CSMD1: variants seen among roughly 807,000 people sequenced by gnomAD.
CSMD1 encodes the protein CUB and sushi domain-containing protein 1.
A neutral mutation model predicts 417.5 loss-of-function variants in CSMD1; 213 were observed. That is an observed-to-expected ratio of 0.51 (90% CI 0.46 to 0.57). CSMD1 has a LOEUF of 0.57. Among genes scored for constraint, CSMD1 ranks in the 20% least tolerant of loss-of-function variants. CSMD1 has a pLI of 0.00. For missense variants in CSMD1, 6,923 were observed against 4,529.7 expected, an observed-to-expected ratio of 1.53 and a Z score of -15.17; for synonymous variants, 2,862 against 1,736.8, an observed-to-expected ratio of 1.65 and a Z score of -16.11.
intron 3 of CSMD1, among the ~76,000 whole-genome samples, chr8:4,347,279 C>A (rs948319683): frequency 9.9e-5 from 15 of 152,182 alleles, no homozygotes; most frequent in African/African-American, 3.6e-4. Context: ...CTCACCTTGG[C>A]CCTCTCTAAA....
rs1228079791 is a variant in CSMD1 at position 3,714,915 on chromosome 8, G to C, written c.932-6424C>G. ...ACAACACACCTGGAGAAATCTCAAT[G>C]GTTTACATTGTTTCGCTTTTACTCT... On this transcript the variant is annotated intron_variant, in intron 6 of 69. Coordinates refer to ENST00000635120, the MANE Select transcript of CSMD1 (RefSeq NM_033225.6). 3.9e-5 allele frequency among the ~76,000 whole-genome samples: 6 copies of C among 152,046 alleles called. 1 individual carries two copies. The highest frequency in any genetic ancestry group is 9.7e-5 in the African/African-American group (4 of 41,392).
At chr8:3,029,581 G>A (rs1810202470) in intron 50 of CSMD1, 68 bp from the exon 51 acceptor site, 2 of 1,359,368 alleles carry the variant, frequency 1.5e-6, no homozygotes, top group African/African-American at 1.5e-5. Context: ...TGCTTGCTTT[G>A]GATGGCAAGG....
At chr8:3,759,957 A>G (rs954308296) in intron 5 of CSMD1, among the ~76,000 whole-genome samples, 9 of 151,596 alleles carry the variant, frequency 5.9e-5, no homozygotes, top group African/African-American at 2.2e-4. Flanking sequence ...GTAGTGATCA[A>G]CCAATGTCTT....
intron 2 of CSMD1, among the ~76,000 whole-genome samples, chr8:4,456,602 G>A (rs575472060): frequency 2.2e-4 from 33 of 152,246 alleles, no homozygotes; most frequent in African/African-American, 7.5e-4. Context: ...TGTAGGGATA[G>A]AAGAGTAGAG....
intron 7 of CSMD1, among the ~76,000 whole-genome samples, chr8:3,644,178 A>C (rs2117335602): frequency 6.6e-6 from 1 of 152,348 alleles, no homozygotes; most frequent in East Asian, 1.9e-4. Flanking sequence ...AGACTTACTG[A>C]ATCAGAAACT....
At chr8:4,115,170 C>T (rs1455731974) in intron 3 of CSMD1, among the ~76,000 whole-genome samples, 1 of 152,154 alleles carries the variant, frequency 6.6e-6, no homozygotes, top group African/African-American at 2.4e-5. Flanking sequence ...AAGAAATTTT[C>T]ACAGCTACCC....
chr8:4,448,167 C>A (rs1563185026), intron 2 of CSMD1, among the ~76,000 whole-genome samples: 1 of 152,156 alleles, frequency 6.6e-6, no homozygotes, highest in African/African-American at 2.4e-5. Context: ...TCAAGGTGAA[C>A]ATGTAACCAT....
chr8:3,335,427 C>T (rs1268368336), intron 23 of CSMD1, among the ~76,000 whole-genome samples: 2 of 152,174 alleles, frequency 1.3e-5, no homozygotes, highest in East Asian at 1.9e-4. Flanking sequence ...CCTGTAATCC[C>T]ATCACTTTGG....
intron 42 of CSMD1, among the ~76,000 whole-genome samples, chr8:3,111,777 A>G (rs1000431734): frequency 2.6e-5 from 4 of 152,022 alleles, no homozygotes; most frequent in African/African-American, 9.7e-5. Context: ...GGGTGTAGTA[A>G]GCCGAGATTG....
chr8:3,635,676 G>T (rs563084497), intron 7 of CSMD1, among the ~76,000 whole-genome samples: 1 of 150,580 alleles, frequency 6.6e-6, no homozygotes, highest in Admixed American at 6.6e-5. Context: ...GTAGAGACGG[G>T]GATTCACTGT....
At chr8:4,511,888 G>A (rs934090986) in intron 2 of CSMD1, among the ~76,000 whole-genome samples, 2 of 152,084 alleles carry the variant, frequency 1.3e-5, no homozygotes, top group African/African-American at 4.8e-5. Flanking sequence ...CTTCCAGCTT[G>A]GGGAGGGGAA....
chr8:4,902,381 G>A (rs1346341574), intron 1 of CSMD1, among the ~76,000 whole-genome samples: 2 of 149,962 alleles, frequency 1.3e-5, no homozygotes, highest in Non-Finnish European at 3.0e-5. Context: ...AGACTGCAGT[G>A]ACCCATGATT....
chr8:3,837,965 T>G (rs1802817755), intron 5 of CSMD1, among the ~76,000 whole-genome samples: 1 of 152,150 alleles, frequency 6.6e-6, no homozygotes, highest in African/African-American at 2.4e-5. Context: ...TTATTTTTCA[T>G]GAGTTGAAAT....
At chr8:2,988,450 C>A (rs1427550342) in intron 54 of CSMD1, among the ~76,000 whole-genome samples, 1 of 152,122 alleles carries the variant, frequency 6.6e-6, no homozygotes, top group East Asian at 1.9e-4. Context: ...CGATGTGAGA[C>A]CTGGTAAATC....
rs1234924892 is a variant in CSMD1, at chr8:4,019,646, G to A, written c.610+12259C>T. Among the ~76,000 whole-genome samples the A allele has an allele frequency of 2.0e-5, 3 of 152,120 alleles. 1 individual carries two copies. Among genetic ancestry groups the A allele is most frequent in the Admixed American group, 2.0e-4 (3 of 15,264 alleles). On this transcript the variant is annotated intron_variant, in intron 4 of 69. Coordinates refer to ENST00000635120, the MANE Select transcript of CSMD1 (RefSeq NM_033225.6). ...CCTTGAAATGCATGAGGTTAGAAAGGGAGCTGGAACTTAAAGTGGCAGTTG... is the reference window on the plus strand; with the variant it reads ...CCTTGAAATGCATGAGGTTAGAAAGAGAGCTGGAACTTAAAGTGGCAGTTG...
intron 11 of CSMD1, among the ~76,000 whole-genome samples, chr8:3,478,631 A>C (rs7832936): frequency 0.68 from 103,511 of 151,910 alleles, 36,104 homozygotes; most frequent in Middle Eastern, 0.8. Flanking sequence ...CCACCCCTGA[A>C]CAGGCAACAG....
intron 1 of CSMD1, among the ~76,000 whole-genome samples, chr8:4,716,682 T>A (rs968129685): frequency 6.6e-6 from 1 of 152,184 alleles, no homozygotes; most frequent in African/African-American, 2.4e-5. Context: ...TCTAAATATA[T>A]CTGATAATTA....
At chr8:4,173,989 T>C (rs1206542968) in intron 3 of CSMD1, among the ~76,000 whole-genome samples, 1 of 152,154 alleles carries the variant, frequency 6.6e-6, no homozygotes, top group African/African-American at 2.4e-5. Context: ...AAGCAAAGGA[T>C]ATGTGACCAT....
chr8:3,795,894 GATATATATAT>G (rs1800062630), intron 5 of CSMD1, among the ~76,000 whole-genome samples: 1 of 27,212 alleles, frequency 3.7e-5, no homozygotes, highest in East Asian at 8.0e-4. Context: ...ATCATGTACA[GATATATATAT>G]CATGTACAGA....
Sources: allele counts gnomAD v4.1 joint callset (sites outside exome capture counted in the v4.1 genomes callset), GRCh38; gene constraint gnomAD v4.1.1; transcripts MANE v1.5; gene names NCBI Gene and HGNC (gene_info 2026-07-23, HGNC 2026-07-21).